POLR3B: variants seen among roughly 807,000 people sequenced by gnomAD.
The protein encoded by POLR3B is RNA polymerase III subunit B.
POLR3B carries 96 observed loss-of-function variants against 147.4 expected under a neutral mutation model. That is an observed-to-expected ratio of 0.65 (90% CI 0.55 to 0.77). The LOEUF is 0.77. POLR3B is among the 30% of genes least tolerant of loss of function. The probability of loss-of-function intolerance (pLI) is 0.00; values close to 1 mark genes in which losing one functional copy is unlikely to be tolerated. For missense variants in POLR3B, 1,036 were observed against 1,413.5 expected (o/e 0.73, Z 4.28); for synonymous variants, 461 against 485.9 (o/e 0.95, Z 0.67).
chr12:106,405,731 C>T (rs2037142640), intron 10 of POLR3B, 126 bp from the exon 11 acceptor site: 6 of 879,734 alleles, frequency 6.8e-6, no homozygotes, highest in Admixed American at 3.7e-5. Context: ...TTCAACTAGA[C>T]CCAGTACAGC....
chr12:106,496,664 G>A, intron 24 of POLR3B, 88 bp from the exon 25 acceptor site: 1 of 1,109,980 alleles, frequency 9.0e-7, no homozygotes, highest in Non-Finnish European at 1.4e-6. Context: ...ATTAATAGTG[G>A]TCGTGGGGAA....
chr12:106,431,574 A>G (rs2141774), intron 14 of POLR3B, among the ~76,000 whole-genome samples: 51,292 of 152,096 alleles, frequency 0.34, 11,519 homozygotes, highest in African/African-American at 0.64. Flanking sequence ...TTTTGAAATA[A>G]TTTTAGATAT....
At chr12:106,451,957 G>C (rs773901194) in intron 19 of POLR3B, among the ~76,000 whole-genome samples, 9 of 152,122 alleles carry the variant, frequency 5.9e-5, no homozygotes, top group Non-Finnish European at 7.4e-5. Flanking sequence ...TGGGATAATA[G>C]AAGTAGAATG....
intron 12 of POLR3B, among the ~76,000 whole-genome samples, chr12:106,423,298 T>G (rs1163333213): frequency 6.6e-6 from 1 of 152,188 alleles, no homozygotes; most frequent in Non-Finnish European, 1.5e-5. Context: ...TGTAAATACT[T>G]AAAAATGTGT....
intron 18 of POLR3B, among the ~76,000 whole-genome samples, chr12:106,443,429 TCA>T (rs1033529861): frequency 1.3e-5 from 2 of 152,192 alleles, no homozygotes; most frequent in African/African-American, 4.8e-5. Context: ...AGTTTCTCAG[TCA>T]CACTAGCCCG....
intron 10 of POLR3B, among the ~76,000 whole-genome samples, chr12:106,403,910 A>G (rs1215075703): frequency 1.3e-5 from 2 of 151,952 alleles, no homozygotes; most frequent in Non-Finnish European, 2.9e-5. Context: ...ATGTATACAT[A>G]TGTAACAAAC....
chr12:106,441,599 G>A (rs952569439), intron 18 of POLR3B, among the ~76,000 whole-genome samples: 8 of 152,144 alleles, frequency 5.3e-5, no homozygotes, highest in Non-Finnish European at 8.8e-5. Context: ...TATGTGGTGT[G>A]TGACTGTATA....
intron 23 of POLR3B, among the ~76,000 whole-genome samples, chr12:106,467,572 T>C (rs975415795): frequency 1.3e-5 from 2 of 152,226 alleles, no homozygotes; most frequent in Admixed American, 6.5e-5. Flanking sequence ...CCATTCAGTA[T>C]GATATTGGCT....
chr12:106,395,546 G>C (rs1212181100), intron 10 of POLR3B, among the ~76,000 whole-genome samples: 1 of 152,106 alleles, frequency 6.6e-6, no homozygotes, highest in Non-Finnish European at 1.5e-5. Context: ...CACCCACCAG[G>C]CCCCACCTCC....
At chr12:106,495,081 T>C (rs1272754020) in intron 23 of POLR3B, among the ~76,000 whole-genome samples, 1 of 152,220 alleles carries the variant, frequency 6.6e-6, no homozygotes, top group African/African-American at 2.4e-5. Flanking sequence ...ATTTTATCTT[T>C]TACTACCAAT....
At chr12:106,374,664 G>A (rs2036654033) in intron 6 of POLR3B, among the ~76,000 whole-genome samples, 2 of 151,908 alleles carry the variant, frequency 1.3e-5, no homozygotes, top group South Asian at 2.1e-4. Flanking sequence ...ATAGGCGCAC[G>A]CCACCACGCC....
chr12:106,427,221 T>G lies in POLR3B; in HGVS notation c.1126T>G (p.Leu376Val). ...GQLLSLLFED[L>V]FKKFNSEMKK... is the part of the protein sequence containing the mutation. ...GCTTTTATCTCTTCTTTTTGAAGAC[T>G]TGTTCAAAAAATTTAATTCTGAAAT... The change falls in exon 13 of 28, where the codon TTG (leucine) becomes GTG (valine). Residue 376 changes from leucine to valine, a missense_variant. Leu to Val is a conservative substitution (Grantham distance 32, BLOSUM62 1). Transcript: ENST00000228347. The G allele has an allele frequency of 6.3e-7, 1 of 1,594,362 alleles. No individual in the cohort carries two copies. Among genetic ancestry groups the G allele is most frequent in the Non-Finnish European group, 8.6e-7 (1 of 1,164,748 alleles).
Position 106,444,487 on chromosome 12 carries a change from A to C in POLR3B, c.1980A>C (p.Glu660Asp), listed in dbSNP as rs751682027. 1 of 1,613,610 alleles carries C rather than the reference A, an allele frequency of 6.2e-7. No individual in the cohort carries two copies. The highest frequency in any genetic ancestry group is 1.3e-5 in the African/African-American group (1 of 74,856). Residue 660 changes from glutamate to aspartate, a missense_variant, in exon 19 of 28, where the codon GAA (glutamate) becomes GAC (aspartate). Glu to Asp is a conservative substitution (Grantham distance 45, BLOSUM62 2). Transcript: ENST00000228347. Reference sequence around the variant, plus strand: ...GAGACACCACCCACTTGGAGATTGAACCCTTCACTCTTCTCGGCGTGTGTG... The same window carrying C: ...GAGACACCACCCACTTGGAGATTGACCCCTTCACTCTTCTCGGCGTGTGTG... ...INKDTTHLEIEPFTLLGVCAG... is the reference protein window; with the variant it reads ...INKDTTHLEIDPFTLLGVCAG...
chr12:106,492,811 T>A (rs2038424681), intron 23 of POLR3B, among the ~76,000 whole-genome samples: 1 of 152,160 alleles, frequency 6.6e-6, no homozygotes, highest in African/African-American at 2.4e-5. Context: ...AGATGGATGG[T>A]GATGGAATAA....
intron 12 of POLR3B, among the ~76,000 whole-genome samples, chr12:106,422,417 C>G (rs547374893): frequency 2.0e-5 from 3 of 152,316 alleles, no homozygotes; most frequent in South Asian, 2.1e-4. Flanking sequence ...CCTGAAGAAC[C>G]ATGAACCAAT....
intron 9 of POLR3B, among the ~76,000 whole-genome samples, chr12:106,385,780 T>G (rs577031776): frequency 6.6e-6 from 1 of 152,202 alleles, no homozygotes; most frequent in Non-Finnish European, 1.5e-5. Flanking sequence ...GAAGAAACTT[T>G]TAGGAAATTT....
At chr12:106,426,705 A>G (rs986940322) in intron 12 of POLR3B, among the ~76,000 whole-genome samples, 34 of 152,084 alleles carry the variant, frequency 2.2e-4, no homozygotes, top group African/African-American at 8.2e-4. Context: ...TAGGAGAGGA[A>G]CTGTTGGGGC....
chr12:106,477,895 T>C (rs1288691030), intron 23 of POLR3B, among the ~76,000 whole-genome samples: 16,165 of 90,020 alleles, frequency 0.18, 2,329 homozygotes, highest in African/African-American at 0.25. Context: ...CCTCCCCTTT[T>C]TTTTTTTTTT....
chr12:106,416,042 G>A (rs1455134437), intron 12 of POLR3B, among the ~76,000 whole-genome samples: 1 of 152,152 alleles, frequency 6.6e-6, no homozygotes, highest in Non-Finnish European at 1.5e-5. Context: ...TATGCTTAGT[G>A]GGGCTTCCTT....
Sources: gnomAD v4.1 joint callset for allele counts (sites outside exome capture counted in the v4.1 genomes callset) on GRCh38, gnomAD v4.1.1 for gene constraint, MANE v1.5 for transcripts, NCBI Gene and HGNC (gene_info 2026-07-23, HGNC 2026-07-21) for gene names.